SND1: variants seen among roughly 807,000 people sequenced by gnomAD.
SND1 encodes staphylococcal nuclease domain-containing protein 1.
SND1 carries 38 observed loss-of-function variants against 121.7 expected under a neutral mutation model. That is an observed-to-expected ratio of 0.31 (90% CI 0.24 to 0.41). SND1 has a LOEUF of 0.41. SND1 is among the 10% of genes least tolerant of loss of function. SND1 has a pLI of 1.00. For missense variants in SND1, 868 were observed against 1,184.6 expected (o/e 0.73, Z 3.92); for synonymous variants, 401 against 447.4 (o/e 0.90, Z 1.31).
chr7:127,778,915 T>C (rs964154318), intron 10 of SND1, among the ~76,000 whole-genome samples: 6 of 152,194 alleles, frequency 3.9e-5, no homozygotes, highest in African/African-American at 1.2e-4. Flanking sequence ...CCCAGGGCCC[T>C]GATGGATCCC....
chr7:128,056,805 A>G (rs767289477), intron 16 of SND1, among the ~76,000 whole-genome samples: 2 of 152,246 alleles, frequency 1.3e-5, no homozygotes, highest in Non-Finnish European at 2.9e-5. Context: ...GCATGCATAT[A>G]ATTTATACAT....
At chr7:127,726,578 C>T (rs1796586637) in intron 10 of SND1, among the ~76,000 whole-genome samples, 1 of 152,166 alleles carries the variant, frequency 6.6e-6, no homozygotes, top group African/African-American at 2.4e-5. Flanking sequence ...ATTTTGCGAT[C>T]TCAGGACTTC....
intron 14 of SND1, among the ~76,000 whole-genome samples, chr7:127,905,272 G>A (rs76832512): frequency 0.022 from 3,356 of 152,184 alleles, 61 homozygotes; most frequent in Non-Finnish European, 0.036. Flanking sequence ...AAGTGGGACA[G>A]AATGGAGAAA....
intron 7 of SND1, among the ~76,000 whole-genome samples, chr7:127,704,099 A>C (rs919517439): frequency 1.3e-5 from 2 of 152,118 alleles, no homozygotes; most frequent in African/African-American, 4.8e-5. Flanking sequence ...TATAGTTCCG[A>C]TTCTTGGATG....
chr7:127,779,150 G>T (rs1344891341), intron 10 of SND1, among the ~76,000 whole-genome samples: 2 of 152,204 alleles, frequency 1.3e-5, no homozygotes, highest in Non-Finnish European at 2.9e-5. Context: ...GATTGTTGCA[G>T]CACATGGAGA....
chr7:128,074,809 T>C (rs1418931790), intron 17 of SND1, 119 bp downstream of exon 17: 1 of 1,053,170 alleles, frequency 9.5e-7, no homozygotes, highest in Non-Finnish European at 1.4e-6. Context: ...CCCAGGAAGG[T>C]GTTGGTCTCA....
intron 12 of SND1, among the ~76,000 whole-genome samples, chr7:127,868,288 G>A (rs906582871): frequency 6.6e-6 from 1 of 152,190 alleles, no homozygotes; most frequent in Non-Finnish European, 1.5e-5. Flanking sequence ...AGGAGGCTGA[G>A]GTGGGAGGCT....
intron 12 of SND1, among the ~76,000 whole-genome samples, chr7:127,887,271 A>G (rs1799928104): frequency 6.6e-6 from 1 of 152,134 alleles, no homozygotes; most frequent in African/African-American, 2.4e-5. Flanking sequence ...TGTTGGGATC[A>G]TAGGCATGAG....
intron 16 of SND1, among the ~76,000 whole-genome samples, chr7:128,047,854 T>TC (rs1792976136): frequency 6.6e-6 from 1 of 151,976 alleles, no homozygotes; most frequent in Non-Finnish European, 1.5e-5. Context: ...CCTGCATCTT[T>TC]TTTTTTTTTT....
At chr7:128,021,053 C>T (rs995677088) in intron 16 of SND1, among the ~76,000 whole-genome samples, 3 of 151,978 alleles carry the variant, frequency 2.0e-5, no homozygotes, top group East Asian at 3.9e-4. Context: ...TATTTTTTTC[C>T]TCTCTCCTTT....
rs749324391 is a variant in SND1 at position 128,089,494 on chromosome 7, T to C, written c.2424T>C (p.Asp808=). The stretch of plus-strand genomic sequence containing the variant: ...TGAGTGTGTCTCTGCTCCAGGATGA[T>C]GCCCGCACGGACGCCGTGGACAGCG... The part of the protein sequence containing the change: ...FAFIQVPQDD[D]ARTDAVDSVV... The change falls in exon 22 of 24, where the codon GAT becomes GAC. Residue 808 remains aspartate (D), a synonymous_variant. Coordinates refer to ENST00000354725, the MANE Select transcript of SND1 (RefSeq NM_014390.4). 3.1e-6 allele frequency: 5 copies of C among 1,611,880 alleles called. No homozygotes were observed. Among genetic ancestry groups the C allele is most frequent in the East Asian group, 2.2e-5 (1 of 44,856 alleles).
intron 10 of SND1, among the ~76,000 whole-genome samples, chr7:127,751,068 A>G (rs1480659674): frequency 6.6e-6 from 1 of 152,104 alleles, no homozygotes; most frequent in Admixed American, 6.5e-5. Flanking sequence ...TATTGATGTT[A>G]CTGAAGCAGA....
intron 8 of SND1, among the ~76,000 whole-genome samples, chr7:127,706,244 G>GCT (rs1796194236): frequency 2.3e-5 from 1 of 44,012 alleles, no homozygotes; most frequent in Non-Finnish European, 4.2e-5. Flanking sequence ...TTAATTTCTT[G>GCT]CCCCCCCTCC....
chr7:127,702,395 A>T, intron 5 of SND1, 40 bp from the exon 6 acceptor site: 8 of 1,567,296 alleles, frequency 5.1e-6, no homozygotes, highest in Non-Finnish European at 6.2e-6. Context: ...CCTTGTTAGG[A>T]TGTTTGCTAA....
At chr7:127,714,831 C>T (rs1194999150) in intron 9 of SND1, among the ~76,000 whole-genome samples, 1 of 152,134 alleles carries the variant, frequency 6.6e-6, no homozygotes, top group Non-Finnish European at 1.5e-5. Context: ...AATTTTCTTC[C>T]TTTTTAAGGG....
chr7:127,764,025 C>G (rs1277405931), intron 10 of SND1, among the ~76,000 whole-genome samples: 1 of 113,998 alleles, frequency 8.8e-6, no homozygotes. Flanking sequence ...GGTGACAGAG[C>G]AAGACCCTGT....
rs551321334 is a variant in SND1, at chr7:127,689,852, C to G, written c.228+3090C>G. On this transcript the variant is annotated intron_variant, in intron 2 of 23. Coordinates refer to ENST00000354725, the MANE Select transcript of SND1 (RefSeq NM_014390.4). ...TTTGGTTTTCCTCCTATTGTACCCT[C>G]AAAGCTGCATCGACACAAGTTACCA... Among the ~76,000 whole-genome samples, 8 of 152,154 alleles carry G rather than the reference C, an allele frequency of 5.3e-5. No individual in the cohort carries two copies. The East Asian group carries it at 1.2e-3, about 22-fold the overall frequency.
At chr7:127,727,148 G>T (rs1246904833) in intron 10 of SND1, among the ~76,000 whole-genome samples, 1 of 152,162 alleles carries the variant, frequency 6.6e-6, no homozygotes, top group African/African-American at 2.4e-5. Context: ...GGTGCTAAAG[G>T]ATCAGTTTTG....
intron 11 of SND1, among the ~76,000 whole-genome samples, chr7:127,828,778 A>G (rs902584966): frequency 6.6e-6 from 1 of 152,240 alleles, no homozygotes; most frequent in Non-Finnish European, 1.5e-5. Flanking sequence ...CAATTCTTCT[A>G]TTCTTGAGGT....
Sources: allele counts gnomAD v4.1 joint callset (sites outside exome capture counted in the v4.1 genomes callset), GRCh38; gene constraint gnomAD v4.1.1; transcripts MANE v1.5; gene names NCBI Gene and HGNC (gene_info 2026-07-23, HGNC 2026-07-21).